GCC2: variants seen among roughly 807,000 people sequenced by gnomAD.
GCC2 encodes GRIP and coiled-coil domain containing 2, also known as GRIP and coiled-coil domain-containing protein 2.
GCC2 carries 120 observed loss-of-function variants against 210.6 expected under a neutral mutation model. That is an observed-to-expected ratio of 0.57 (90% CI 0.49 to 0.66). The LOEUF is 0.66. Among genes scored for constraint, GCC2 ranks in the 30% least tolerant of loss-of-function variants. The probability of loss-of-function intolerance (pLI) is 0.00; values close to 1 mark genes in which losing one functional copy is unlikely to be tolerated. For synonymous variants in GCC2, 703 were observed against 652.7 expected (o/e 1.08, Z -1.17); for missense variants, 1,868 against 1,871.9 (o/e 1.00, Z 0.04).
In GCC2 at chr2:108,470,014, C is replaced by G. The variant is rs1339571489; in HGVS notation, c.685C>G (p.His229Asp). The G allele has an allele frequency of 6.2e-7, 1 of 1,612,320 alleles. No individual in the cohort carries two copies. The highest frequency in any genetic ancestry group is 1.7e-5 in the Admixed American group (1 of 59,812). Residue 229 changes from histidine (H) to aspartate (D), a missense_variant, in exon 6 of 23, where the codon CAT becomes GAT. By Grantham distance (81) the His-to-Asp change is moderately conservative (BLOSUM62 -1). This residue lies in a region of GCC2 where 1,847 missense variants were observed against 1,765.2 expected (regional missense o/e 1.05). Coordinates refer to ENST00000309863, the MANE Select transcript of GCC2 (RefSeq NM_181453.4). The stretch of plus-strand genomic sequence containing the variant: ...AAATATCATTGAGGCTAATTCTCAG[C>G]ATTACCAAAAAAATATTAATAGTTT... ...LQNIIEANSQ[H>D]YQKNINSLQE...
At chr2:108,478,494 C>T (rs543007987) in intron 9 of GCC2, among the ~76,000 whole-genome samples, 1 of 152,188 alleles carries the variant, frequency 6.6e-6, no homozygotes, top group Non-Finnish European at 1.5e-5. Flanking sequence ...CTTGTAATAA[C>T]TTGTATCGGT....
At position 108,470,897 on chromosome 2, in the gene GCC2, T is replaced by C. The variant is rs1480328029; in HGVS notation, c.1568T>C (p.Leu523Pro). ...GATGTTCATGAACTGCAGCAGAAGC[T>C]CAGAACTGCTTTTACTGAAAAAGAT... ...ASDVHELQQK[L>P]RTAFTEKDAL... The change falls in exon 6 of 23, where the codon CTC (leucine) becomes CCC (proline). Residue 523 changes from leucine (L) to proline (P), a missense_variant. This residue lies in a region of GCC2 where 1,847 missense variants were observed against 1,765.2 expected (regional missense o/e 1.05). Coordinates refer to ENST00000309863, the MANE Select transcript of GCC2 (RefSeq NM_181453.4). The C allele has an allele frequency of 3.1e-6, 5 of 1,613,618 alleles. No homozygotes were observed. Among genetic ancestry groups the C allele is most frequent in the Non-Finnish European group, 4.2e-6 (5 of 1,179,772 alleles).
rs190257629 is a variant in GCC2, at chr2:108,465,436, T to C, written c.217-3544T>C. Reference sequence around the variant, plus strand: ...TATATAGTGGTGAAGTCTGAGACTTTAGTGCACCCATCACCAGAGTAGTGA... The same window carrying C: ...TATATAGTGGTGAAGTCTGAGACTTCAGTGCACCCATCACCAGAGTAGTGA... On this transcript the variant is annotated intron_variant, in intron 4 of 22. Coordinates refer to ENST00000309863, the MANE Select transcript of GCC2 (RefSeq NM_181453.4). Among the ~76,000 whole-genome samples the C allele has an allele frequency of 4.3e-4, 65 of 152,322 alleles. 1 individual carries two copies. The highest frequency in any genetic ancestry group is 4.1e-3 in the Admixed American group (62 of 15,302).
chr2:108,471,778 T>A lies in GCC2; in HGVS notation c.2449T>A (p.Cys817Ser). ...KVLELEKEIK[C>S]LQEESVVQCE... ...ATTAGAGTTAGAAAAAGAGATTAAGTGCCTTCAAGAAGAGAGTGTAGTTCA... is the reference window on the plus strand; with the variant it reads ...ATTAGAGTTAGAAAAAGAGATTAAGAGCCTTCAAGAAGAGAGTGTAGTTCA... Residue 817 changes from cysteine to serine, a missense_variant, in exon 6 of 23, where the codon TGC (cysteine) becomes AGC (serine). Transcript: ENST00000309863. The A allele has an allele frequency of 6.2e-7, 1 of 1,613,278 alleles. No homozygotes were observed. The highest frequency in any genetic ancestry group is 8.5e-7 in the Non-Finnish European group (1 of 1,179,480).
rs147803801 is a variant in GCC2, at chr2:108,501,281, A to G, written c.4984+1527A>G. ...ATTACAGGTGTGAGCCACCACGCCC[A>G]GCCATTTTGTTGTTTTTTTATCTAT... On this transcript the variant is annotated intron_variant, in intron 22 of 22. Transcript: ENST00000309863. Among the ~76,000 whole-genome samples the G allele has an allele frequency of 4.4e-3, 674 of 152,000 alleles. 7 individuals are homozygous for G. Among genetic ancestry groups the G allele is most frequent in the Middle Eastern group, 0.01 (3 of 292 alleles).
At chr2:108,456,108 C>G (rs1680261121) in intron 4 of GCC2, among the ~76,000 whole-genome samples, 1 of 152,168 alleles carries the variant, frequency 6.6e-6, no homozygotes, top group African/African-American at 2.4e-5. Context: ...CCTCAGCGTC[C>G]TGAGTAGCTG....
At chr2:108,506,055 A>C (rs902610201) in intron 22 of GCC2, among the ~76,000 whole-genome samples, 1 of 152,180 alleles carries the variant, frequency 6.6e-6, no homozygotes, top group African/African-American at 2.4e-5. Context: ...TATTCACACA[A>C]AAACCTATGC....
rs1558737751 is a variant in GCC2, at chr2:108,469,034, C to A, written c.271C>A (p.Gln91Lys). The change falls in exon 5 of 23, where the codon CAG becomes AAG. Residue 91 changes from glutamine to lysine, a missense_variant. Around this residue, in one of 3 missense-constraint regions of GCC2, gnomAD observed 1,847 missense variants for 1,765.2 expected, o/e 1.05. Transcript: ENST00000309863. ...LLLEKAETEQ[Q>K]CLSLKKENIK... The stretch of plus-strand genomic sequence containing the variant: ...TCTGGAAAAAGCAGAGACTGAGCAA[C>A]AGTGTCTTTCTCTGAAAAAGGAAAA... The A allele has an allele frequency of 4.3e-6, 7 of 1,612,976 alleles. No individual in the cohort carries two copies. The highest frequency in any genetic ancestry group is 5.9e-6 in the Non-Finnish European group (7 of 1,179,114).
At position 108,462,083 on chromosome 2, in the gene GCC2, C is replaced by T. The variant is rs191767474; in HGVS notation, c.217-6897C>T. The stretch of plus-strand genomic sequence containing the variant: ...TGATCTCCTGACCTCGTGATCCGCC[C>T]GCCTCGGCCTCCCAAAGTGCTGGGA... On this transcript the variant is annotated intron_variant, in intron 4 of 22. Transcript: ENST00000309863. Among the ~76,000 whole-genome samples, 515 of 147,904 alleles carry T rather than the reference C, an allele frequency of 3.5e-3. 2 individuals carry two copies. The highest frequency in any genetic ancestry group is 0.011 in the African/African-American group (466 of 40,606).
At chr2:108,480,982 A>G (rs1681824906) in intron 9 of GCC2, among the ~76,000 whole-genome samples, 1 of 152,226 alleles carries the variant, frequency 6.6e-6, no homozygotes, top group Non-Finnish European at 1.5e-5. Context: ...GTTTTCCAGA[A>G]ACAAAGGCAA....
At chr2:108,449,723 A>G in intron 2 of GCC2, 34 bp downstream of exon 2, 1 of 1,568,228 alleles carries the variant, frequency 6.4e-7, no homozygotes, top group Non-Finnish European at 8.8e-7. Flanking sequence ...GGCTTCCTGA[A>G]GAGTGGAAGG....
At chr2:108,453,837 C>T (rs1047345509) in intron 4 of GCC2, among the ~76,000 whole-genome samples, 4 of 151,580 alleles carry the variant, frequency 2.6e-5, no homozygotes, top group African/African-American at 9.7e-5. Flanking sequence ...CTTATTTCCA[C>T]TCCCTTAATG....
chr2:108,456,216 A>G (rs1481121329), intron 4 of GCC2, among the ~76,000 whole-genome samples: 2 of 151,798 alleles, frequency 1.3e-5, no homozygotes, highest in African/African-American at 2.4e-5. Context: ...CGATCCCCTG[A>G]CCACTTTGGG....
intron 4 of GCC2, among the ~76,000 whole-genome samples, chr2:108,465,893 C>T (rs1409064011): frequency 2.0e-5 from 3 of 152,172 alleles, no homozygotes; most frequent in East Asian, 1.9e-4. Flanking sequence ...CTCTCTCTGT[C>T]GCCCAGGCCG....
chr2:108,469,797 G>C lies in GCC2; in HGVS notation c.468G>C (p.Leu156=), dbSNP rs1377697070. ...ACAAAGCTAACTTACAAAAGCAGCTGGAAGAAGCAATGAATACGCAATTAG... is the reference window on the plus strand; with the variant it reads ...ACAAAGCTAACTTACAAAAGCAGCTCGAAGAAGCAATGAATACGCAATTAG... ...SEDKANLQKQ[L]EEAMNTQLEL... is the part of the protein sequence containing the mutation. The change falls in exon 6 of 23, where the codon CTG becomes CTC. Residue 156 remains leucine, a synonymous_variant. Coordinates refer to ENST00000309863, the MANE Select transcript of GCC2 (RefSeq NM_181453.4). 3 of 1,613,724 alleles carry C rather than the reference G, an allele frequency of 1.9e-6. No individual in the cohort carries two copies. The East Asian group carries it at 6.7e-5, about 36-fold the overall frequency.
chr2:108,457,078 C>T (rs1309191984), intron 4 of GCC2, among the ~76,000 whole-genome samples: 4 of 151,952 alleles, frequency 2.6e-5, no homozygotes, highest in Non-Finnish European at 5.9e-5. Context: ...GATGCATTTG[C>T]CCTGTGTTTT....
chr2:108,496,578 A>G, intron 20 of GCC2: 1 of 234,684 alleles, frequency 4.3e-6, no homozygotes, highest in South Asian at 5.2e-5. Context: ...CCCGCCTGAT[A>G]GAAGATTCTT....
chr2:108,506,529 T>C (rs1297190168), intron 22 of GCC2, among the ~76,000 whole-genome samples: 1 of 152,210 alleles, frequency 6.6e-6, no homozygotes, highest in African/African-American at 2.4e-5. Flanking sequence ...GGTACGTAAC[T>C]GTGCATTTGT....
At chr2:108,477,759 A>G (rs1055822717) in intron 9 of GCC2, among the ~76,000 whole-genome samples, 2 of 152,214 alleles carry the variant, frequency 1.3e-5, no homozygotes, top group African/African-American at 4.8e-5. Context: ...TAGATACTAA[A>G]TTTCGGCCAG....
Sources: allele counts gnomAD v4.1 joint callset (sites outside exome capture counted in the v4.1 genomes callset), GRCh38; gene constraint gnomAD v4.1.1; regional missense constraint gnomAD v4.1.1; transcripts MANE v1.5; gene names NCBI Gene and HGNC (gene_info 2026-07-23, HGNC 2026-07-21).